The following ASAP2 variants were observed in gnomAD, a reference collection of about 807,000 sequenced individuals.
The protein encoded by ASAP2 is ArfGAP with SH3 domain, ankyrin repeat and PH domain 2.
Under a neutral mutation model 131.4 loss-of-function variants are expected in ASAP2, and 45 were observed. That is an observed-to-expected ratio of 0.34 (90% CI 0.27 to 0.44). The LOEUF (loss-of-function observed/expected upper bound fraction) is 0.44, where lower values mean the gene tolerates loss of function less well. Among genes scored for constraint, ASAP2 ranks in the 20% least tolerant of loss-of-function variants. ASAP2 has a pLI of 1.00. For synonymous variants in ASAP2, 510 were observed against 503.0 expected (o/e 1.01, Z -0.19); for missense variants, 1,011 against 1,297.0 (o/e 0.78, Z 3.39).
In ASAP2 at chr2:9,387,213, C is replaced by CAAAAAA. The variant is rs60187435; in HGVS notation, c.2131-1072_2131-1067dup. Among the ~76,000 whole-genome samples, 195 of 95,272 alleles carry CAAAAAA rather than the reference C, an allele frequency of 2.0e-3. 3 individuals are homozygous for CAAAAAA. The highest frequency in any genetic ancestry group is 9.4e-3 in the African/African-American group (189 of 20,212). The allele number at this position is 95,272 out of a possible 152,430, so 62.5% of individuals were successfully genotyped here. The stretch of plus-strand genomic sequence containing the variant: ...TGGGCAACAGAGAGAGACTCTGTCT[C>CAAAAAA]AAAAAAAAAAAAAACCATATAACCT... On this transcript the variant is annotated intron_variant, in intron 21 of 27. Transcript: ENST00000281419.
intron 1 of ASAP2, among the ~76,000 whole-genome samples, chr2:9,276,881 TGCTG>T (rs1666794201): frequency 6.6e-6 from 1 of 152,176 alleles, no homozygotes; most frequent in African/African-American, 2.4e-5. Flanking sequence ...CCTTTACACT[TGCTG>T]GCCCATGGAA....
intron 1 of ASAP2, among the ~76,000 whole-genome samples, chr2:9,259,124 T>C (rs1665395043): frequency 6.6e-6 from 1 of 152,264 alleles, no homozygotes; most frequent in Non-Finnish European, 1.5e-5. Context: ...TACTTGCTGC[T>C]GCCCAGGGAG....
intron 3 of ASAP2, among the ~76,000 whole-genome samples, chr2:9,298,574 A>G (rs1254804195): frequency 6.6e-6 from 1 of 152,268 alleles, no homozygotes; most frequent in East Asian, 1.9e-4. Flanking sequence ...CCACCTGCTC[A>G]GCAGTGGAGC....
At chr2:9,267,915 A>G (rs1666055426) in intron 1 of ASAP2, among the ~76,000 whole-genome samples, 1 of 151,342 alleles carries the variant, frequency 6.6e-6, no homozygotes, top group Admixed American at 6.6e-5. Context: ...AAAAAAAAAA[A>G]AAAAAAAGAA....
chr2:9,312,134 A>G (rs1472247889), intron 3 of ASAP2, among the ~76,000 whole-genome samples: 1 of 152,178 alleles, frequency 6.6e-6, no homozygotes, highest in African/African-American at 2.4e-5. Flanking sequence ...CCGTTTTAGG[A>G]CATTTTCTTC....
chr2:9,279,569 G>C (rs990122137), intron 2 of ASAP2, among the ~76,000 whole-genome samples, 180 bp downstream of exon 2: 1 of 152,190 alleles, frequency 6.6e-6, no homozygotes, highest in African/African-American at 2.4e-5. Context: ...TTTGCCAGTC[G>C]TCTGATTCAG....
intron 17 of ASAP2, among the ~76,000 whole-genome samples, chr2:9,376,139 T>G (rs1454884815): frequency 6.6e-6 from 1 of 152,244 alleles, no homozygotes; most frequent in Non-Finnish European, 1.5e-5. Flanking sequence ...CCGTGCAGGC[T>G]CTGAGCTGGT....
At chr2:9,261,636 A>G (rs917294800) in intron 1 of ASAP2, among the ~76,000 whole-genome samples, 12 of 152,170 alleles carry the variant, frequency 7.9e-5, no homozygotes, top group Non-Finnish European at 1.6e-4. Context: ...TTTCCCTGGG[A>G]GCACTTTGGG....
intron 1 of ASAP2, among the ~76,000 whole-genome samples, chr2:9,211,972 G>T (rs1221390028): frequency 6.6e-6 from 1 of 152,130 alleles, no homozygotes; most frequent in Non-Finnish European, 1.5e-5. Flanking sequence ...TCTGAAATTT[G>T]AATTTCAGAA....
At chr2:9,390,872 G>A (rs1320236525) in intron 22 of ASAP2, among the ~76,000 whole-genome samples, 190 bp from the exon 23 acceptor site, 4 of 152,202 alleles carry the variant, frequency 2.6e-5, no homozygotes, top group African/African-American at 4.8e-5. Context: ...CTTCGGTTTC[G>A]CGAGTATCAG....
intron 2 of ASAP2, among the ~76,000 whole-genome samples, chr2:9,291,134 T>A (rs1667780521): frequency 6.6e-6 from 1 of 152,258 alleles, no homozygotes; most frequent in African/African-American, 2.4e-5. Flanking sequence ...ATACTGTTAA[T>A]TTAACCATTT....
intron 21 of ASAP2, 47 bp downstream of exon 21, chr2:9,385,405 C>A: frequency 7.0e-7 from 1 of 1,432,112 alleles, no homozygotes; most frequent in Non-Finnish European, 9.8e-7. Flanking sequence ...CAGCTTCATC[C>A]AGAACAGTGT....
chr2:9,333,373 C>T, intron 7 of ASAP2, among the ~76,000 whole-genome samples: 1 of 152,150 alleles, frequency 6.6e-6, no homozygotes, highest in Non-Finnish European at 1.5e-5. Context: ...TACATAATTG[C>T]AGTTACAGCA....
intron 14 of ASAP2, among the ~76,000 whole-genome samples, chr2:9,358,108 C>T (rs954694923): frequency 7.2e-5 from 11 of 152,194 alleles, no homozygotes; most frequent in Admixed American, 6.5e-5. Context: ...GCTCTGCACT[C>T]CCTGGCGACC....
chr2:9,284,747 T>A (rs1480814315), intron 2 of ASAP2, among the ~76,000 whole-genome samples: 2 of 152,132 alleles, frequency 1.3e-5, no homozygotes, highest in Non-Finnish European at 1.5e-5. Context: ...AAATACTGAG[T>A]GTTTATACAT....
In ASAP2 at chr2:9,281,837, G is replaced by A. The variant is rs377107800; in HGVS notation, c.199+2448G>A. Among the ~76,000 whole-genome samples the A allele has an allele frequency of 3.9e-5, 6 of 152,256 alleles. No homozygotes were observed. In the South Asian group the frequency reaches 6.2e-4, roughly 16 times the overall value. On this transcript the variant is annotated intron_variant, in intron 2 of 27. Coordinates refer to ENST00000281419, the MANE Select transcript of ASAP2 (RefSeq NM_003887.3). This position sits in a 1 kb window ranked among gnomAD's most constrained non-coding sequence, Gnocchi z 4.0. ...GCCTCCCCTGATCACCCCACTGTGA[G>A]CCTCAGGTGAGTAAATACTGCAGAG... is the stretch of plus-strand genomic sequence containing the variant.
intron 2 of ASAP2, among the ~76,000 whole-genome samples, chr2:9,296,231 T>G (rs1464116731): frequency 6.6e-6 from 1 of 152,222 alleles, no homozygotes; most frequent in Non-Finnish European, 1.5e-5. Flanking sequence ...AGAAGTTGTT[T>G]TATTATAGAC....
Position 9,391,175 on chromosome 2 carries a change from C to G in ASAP2, c.2497C>G (p.Pro833Ala), listed in dbSNP as rs546165553. 83 of 1,614,046 alleles carry G rather than the reference C, an allele frequency of 5.1e-5. No homozygotes were observed. In the Admixed American group the frequency reaches 8.7e-4, roughly 17 times the overall value. Residue 833 changes from proline (P) to alanine (A), a missense_variant, in exon 23 of 28, where the codon CCT becomes GCT. Around this residue, in one of 2 missense-constraint regions of ASAP2, gnomAD observed 652 missense variants for 698.9 expected, o/e 0.93. Transcript: ENST00000281419. Reference sequence around the variant, plus strand: ...GCCAGCTGTCCATCCACCGCTGCCCCCTCTTCGCGTGACATCTACCAGTAC... The same window carrying G: ...GCCAGCTGTCCATCCACCGCTGCCCGCTCTTCGCGTGACATCTACCAGTAC... The part of the protein sequence containing the change: ...DPPAVHPPLP[P>A]LRVTSTNPLT...
intron 3 of ASAP2, among the ~76,000 whole-genome samples, chr2:9,309,195 G>A (rs1176554053): frequency 6.6e-6 from 1 of 152,160 alleles, no homozygotes; most frequent in Non-Finnish European, 1.5e-5. Flanking sequence ...TGTGGTATCC[G>A]TAGTATCCCC....
Sources: gnomAD v4.1 joint callset for allele counts (sites outside exome capture counted in the v4.1 genomes callset) on GRCh38, gnomAD v4.1.1 for gene constraint, gnomAD v4.1.1 regional missense constraint, Gnocchi (gnomAD v3.1) non-coding constraint, MANE v1.5 for transcripts, NCBI Gene and HGNC (gene_info 2026-07-23, HGNC 2026-07-21) for gene names.